The following SLC13A1 variants were observed in gnomAD, a reference collection of about 807,000 sequenced individuals.
The protein encoded by SLC13A1 is solute carrier family 13 member 1, also known as Na(+)/sulfate cotransporter.
In SLC13A1, 65 loss-of-function variants were observed where a neutral mutation model predicts 70.0. The ratio of observed to expected loss-of-function variants is 0.93; its 90% CI spans 0.76 to 1.14. The LOEUF (loss-of-function observed/expected upper bound fraction) is 1.14, where lower values mean the gene tolerates loss of function less well. Among genes scored for constraint, SLC13A1 ranks in the 50% most tolerant of loss-of-function variants. The probability of loss-of-function intolerance (pLI) is 0.00; values close to 1 mark genes in which losing one functional copy is unlikely to be tolerated. For missense variants in SLC13A1, 726 were observed against 717.8 expected (o/e 1.01, Z -0.13); for synonymous variants, 275 against 250.5 (o/e 1.10, Z -0.92).
rs1287952940 is a variant in SLC13A1, at chr7:123,124,489, A to C, written c.1240+1080T>G. Among the ~76,000 whole-genome samples the C allele has an allele frequency of 3.3e-5, 5 of 152,356 alleles. 1 individual carries two copies. The Middle Eastern group carries it at 0.01, about 311-fold the overall frequency. ...TCATTTATAGATTCTGACAAGAGTC[A>C]AGTGGGCCAACACAACTACATAAAT... On this transcript the variant is annotated intron_variant, in intron 11 of 14. Transcript: ENST00000194130.
intron 1 of SLC13A1, among the ~76,000 whole-genome samples, chr7:123,189,114 C>CAA (rs34956751): frequency 0.31 from 29,884 of 97,788 alleles, 5,271 homozygotes; most frequent in African/African-American, 0.32. Context: ...GACTCCGTCT[C>CAA]AAAAAAAAAA....
chr7:123,114,177 G>C lies in SLC13A1; in HGVS notation c.*1341C>G, dbSNP rs1367086934. On this transcript the variant is annotated 3_prime_UTR_variant, in exon 15 of 15. Transcript: ENST00000194130. ...TGAGAATTGCTGTGATATAACATCT[G>C]CATCTTTTGCTAACTGTGCACCTTA... 1 of 150,112 alleles carries C rather than the reference G, an allele frequency of 6.7e-6. No individual in the cohort carries two copies. Among genetic ancestry groups the C allele is most frequent in the African/African-American group, 2.5e-5 (1 of 40,754 alleles). The allele number at this position is 150,112 out of a possible 1,614,324, so 9.3% of individuals were successfully genotyped here. A position where few individuals can be genotyped will look rare whatever the true frequency, so the allele number is the denominator to read the frequency against.
chr7:123,177,904 T>C (rs1160479750), intron 2 of SLC13A1, among the ~76,000 whole-genome samples: 2 of 152,062 alleles, frequency 1.3e-5, no homozygotes, highest in Admixed American at 1.3e-4. Context: ...ACAGGAAATA[T>C]TTTGCCTGTT....
At chr7:123,199,801 T>C (rs1275226530) in intron 1 of SLC13A1, 47 bp downstream of exon 1, 1 of 1,399,644 alleles carries the variant, frequency 7.1e-7, no homozygotes. Flanking sequence ...TAAAGGACAA[T>C]TAAATAAGTC....
chr7:123,139,657 T>C (rs931692270), intron 7 of SLC13A1, among the ~76,000 whole-genome samples: 1 of 152,122 alleles, frequency 6.6e-6, no homozygotes, highest in African/African-American at 2.4e-5. Context: ...CTTAGGTACT[T>C]AGTTTTATTT....
chr7:123,160,435 C>T lies in SLC13A1; in HGVS notation c.660+7939G>A, dbSNP rs150175878. On this transcript the variant is annotated intron_variant, in intron 6 of 14. Transcript: ENST00000194130. ...ATGGGTTCAGAATAACATAATTTAA[C>T]AATGCAGAGGAACCAAAATGGACAG... Among the ~76,000 whole-genome samples, 1,113 of 152,078 alleles carry T rather than the reference C, an allele frequency of 7.3e-3. 15 individuals carry two copies. The highest frequency in any genetic ancestry group is 0.025 in the African/African-American group (1,036 of 41,504).
At position 123,128,880 on chromosome 7, in the gene SLC13A1, G is replaced by C; in HGVS notation, c.1098C>G (p.Pro366=). Residue 366 remains proline (P), a synonymous_variant, in exon 10 of 15, where the codon CCC becomes CCG. Transcript: ENST00000194130. Reference sequence around the variant, plus strand: ...GTGCAGACCAACCAGGAACAAATCCGGGGTCTCGACTAAACCATAGCAGAG... The same window carrying C: ...GTGCAGACCAACCAGGAACAAATCCCGGGTCTCGACTAAACCATAGCAGAG... The part of the protein sequence containing the change: ...IMALLWFSRD[P]GFVPGWSALF... 6.2e-7 allele frequency: 1 copy of C among 1,613,328 alleles called. No homozygotes were observed. The highest frequency in any genetic ancestry group is 8.5e-7 in the Non-Finnish European group (1 of 1,179,624).
chr7:123,145,297 G>A (rs754074815), intron 7 of SLC13A1, among the ~76,000 whole-genome samples: 61 of 152,228 alleles, frequency 4.0e-4, no homozygotes, highest in Middle Eastern at 6.8e-3. Flanking sequence ...AATATATGGT[G>A]AGCTTGAAAT....
chr7:123,171,994 T>C, intron 2 of SLC13A1, 90 bp from the exon 3 acceptor site: 1 of 1,228,858 alleles, frequency 8.1e-7, no homozygotes, highest in Non-Finnish European at 1.1e-6. Flanking sequence ...CTCTTAATTT[T>C]GACCTTCAAC....
Position 123,171,777 on chromosome 7 carries a change from T to C in SLC13A1, c.356A>G (p.Asn119Ser), listed in dbSNP as rs1038719911. ...ALKMVMMVGV[N>S]PAWLTLGFMS... ...TAAATGCAGTACTTACCATGCAGGA[T>C]TTACACCAACCATCATCACCATTTT... Residue 119 changes from asparagine (N) to serine (S), a missense_variant, in exon 3 of 15, where the codon AAT (asparagine) becomes AGT (serine). By Grantham distance (46) the Asn-to-Ser change is conservative. Transcript: ENST00000194130. 6.2e-7 allele frequency: 1 copy of C among 1,613,762 alleles called. No individual in the cohort carries two copies. Among genetic ancestry groups the C allele is most frequent in the African/African-American group, 1.3e-5 (1 of 74,920 alleles).
intron 6 of SLC13A1, chr7:123,148,630 T>C (rs963487538): frequency 2.9e-6 from 1 of 339,610 alleles, no homozygotes; most frequent in East Asian, 9.1e-5. Flanking sequence ...ATTTAATGAA[T>C]GGTTTTTCAG....
At chr7:123,198,401 T>C (rs1796250169) in intron 1 of SLC13A1, among the ~76,000 whole-genome samples, 3 of 150,948 alleles carry the variant, frequency 2.0e-5, no homozygotes, top group African/African-American at 7.3e-5. Flanking sequence ...GTTATTATTA[T>C]TATTTACAAA....
At chr7:123,168,676 T>C (rs1795153527) in intron 4 of SLC13A1, 115 bp from the exon 5 acceptor site, 5 of 733,552 alleles carry the variant, frequency 6.8e-6, no homozygotes, top group Non-Finnish European at 1.1e-5. Context: ...AAAAATTCAC[T>C]GTGTACTAAC....
At position 123,126,049 on chromosome 7, in the gene SLC13A1, A is replaced by G. The variant is rs1160223824; in HGVS notation, c.1134-374T>C. Among the ~76,000 whole-genome samples the G allele has an allele frequency of 3.9e-5, 6 of 152,220 alleles. No homozygotes were observed. In the East Asian group the frequency reaches 1.2e-3, roughly 29 times the overall value. On this transcript the variant is annotated intron_variant, in intron 10 of 14. Coordinates refer to ENST00000194130, the MANE Select transcript of SLC13A1 (RefSeq NM_022444.4). Reference sequence around the variant, plus strand: ...ATTGATCAAGATTTGAAGTTGAAACATTGCTAGAGCATGGAAAGCCCCATA... The same window carrying G: ...ATTGATCAAGATTTGAAGTTGAAACGTTGCTAGAGCATGGAAAGCCCCATA...
chr7:123,149,506 G>C (rs551884878), intron 6 of SLC13A1: 1 of 456,478 alleles, frequency 2.2e-6, no homozygotes, highest in African/African-American at 2.0e-5. Context: ...AGGGGGTTGG[G>C]GCACTGGGGA....
At chr7:123,148,654 G>A (rs553365108) in intron 6 of SLC13A1, 49 of 306,412 alleles carry the variant, frequency 1.6e-4, no homozygotes, top group Non-Finnish European at 2.9e-4. Context: ...TGTTTAGTCA[G>A]GAGAATAGCT....
At chr7:123,135,107 T>C (rs977975119) in intron 7 of SLC13A1, among the ~76,000 whole-genome samples, 1 of 152,244 alleles carries the variant, frequency 6.6e-6, no homozygotes, top group Non-Finnish European at 1.5e-5. Context: ...ATGGTAGCTC[T>C]TTCTTCCTAG....
intron 1 of SLC13A1, among the ~76,000 whole-genome samples, chr7:123,191,142 G>A (rs969004067): frequency 6.6e-6 from 1 of 152,030 alleles, no homozygotes; most frequent in African/African-American, 2.4e-5. Flanking sequence ...CCAGTTCCTA[G>A]TTCCTGGTTC....
Position 123,171,752 on chromosome 7 carries a change from T to A in SLC13A1, c.365+16A>T. 2 of 1,612,650 alleles carry A rather than the reference T, an allele frequency of 1.2e-6. No individual in the cohort carries two copies. The highest frequency in any genetic ancestry group is 1.7e-6 in the Non-Finnish European group (2 of 1,179,318). On this transcript the variant is annotated intron_variant, in intron 3 of 14. Transcript: ENST00000194130. The stretch of plus-strand genomic sequence containing the variant: ...TGTTCAGCAGGTAAACTGGAAGCAG[T>A]AAATGCAGTACTTACCATGCAGGAT...
Sources: gnomAD v4.1 joint callset for allele counts (sites outside exome capture counted in the v4.1 genomes callset) on GRCh38, gnomAD v4.1.1 for gene constraint, MANE v1.5 for transcripts, NCBI Gene and HGNC (gene_info 2026-07-23, HGNC 2026-07-21) for gene names.